Variants in RPAIN observed in about 807,000 individuals in gnomAD.
RPAIN encodes RPA-interacting protein.
A neutral mutation model predicts 30.5 loss-of-function variants in RPAIN; 29 were observed. The ratio of observed to expected loss-of-function variants is 0.95; its 90% CI spans 0.71 to 1.30. RPAIN has a LOEUF of 1.30. Ranked by LOEUF, RPAIN falls within the 50% of genes most tolerant of loss-of-function variation. RPAIN has a pLI of 0.00. For synonymous variants in RPAIN, 101 were observed against 93.5 expected (o/e 1.08, Z -0.46); for missense variants, 247 against 264.7 (o/e 0.93, Z 0.46).
intron 6 of RPAIN, chr17:5,432,087 GATC>G (rs1398997266): frequency 4.6e-6 from 1 of 217,898 alleles, no homozygotes; most frequent in African/African-American, 2.3e-5. Context: ...GGTGCTTACT[GATC>G]ATGTCTTTAC....
At chr17:5,429,340 C>T (rs1226957887) in intron 6 of RPAIN, 2 of 985,338 alleles carry the variant, frequency 2.0e-6, no homozygotes, top group African/African-American at 1.7e-5. Flanking sequence ...CATAGAAGAA[C>T]AAGGCAGAGA....
At chr17:5,429,931 G>C (rs1915741890) in intron 6 of RPAIN, 2 of 241,150 alleles carry the variant, frequency 8.3e-6, no homozygotes, top group Non-Finnish European at 1.3e-5. Flanking sequence ...ACTTTGGGAG[G>C]CCGAGGTGGG....
chr17:5,422,932 C>T, intron 3 of RPAIN, 103 bp downstream of exon 3: 1 of 908,936 alleles, frequency 1.1e-6, no homozygotes, highest in Non-Finnish European at 1.7e-6. Context: ...TGTCTACCTC[C>T]ATCAGTCAAG....
chr17:5,431,526 T>C (rs958910667), intron 6 of RPAIN: 13 of 439,230 alleles, frequency 3.0e-5, no homozygotes, highest in Admixed American at 5.0e-5. Context: ...CAAAATTGTA[T>C]TCTGTAGGTC....
intron 3 of RPAIN, among the ~76,000 whole-genome samples, chr17:5,424,697 G>A (rs187900670): frequency 1.3e-5 from 2 of 152,282 alleles, no homozygotes; most frequent in East Asian, 3.9e-4. Context: ...TTGAAATAAG[G>A]ATAATAATAG....
At chr17:5,423,945 T>TA (rs35589532) in intron 3 of RPAIN, among the ~76,000 whole-genome samples, 1 of 151,224 alleles carries the variant, frequency 6.6e-6, no homozygotes, top group Non-Finnish European at 1.5e-5. Flanking sequence ...TTTTTTTTTT[T>TA]AGCTAAAGAT....
chr17:5,428,879 G>A, intron 6 of RPAIN: 1 of 986,074 alleles, frequency 1.0e-6, no homozygotes, highest in African/African-American at 1.7e-5. Context: ...GGAGCACACT[G>A]TACTTCAGGA....
At chr17:5,425,015 G>T (rs1263764093) in intron 3 of RPAIN, 1 of 236,754 alleles carries the variant, frequency 4.2e-6, no homozygotes, top group Non-Finnish European at 8.3e-6. Flanking sequence ...CAGACTTTTT[G>T]TGAAGAGCCA....
rs1333198473 is a variant in RPAIN at position 5,432,744 on chromosome 17, T to C, written c.*173T>C. 7.7e-6 allele frequency: 6 copies of C among 779,228 alleles called. No individual in the cohort carries two copies. Among genetic ancestry groups the C allele is most frequent in the African/African-American group, 7.0e-5 (4 of 57,056 alleles). 48.3% of individuals were successfully genotyped at this position (779,228 alleles called of 1,614,324 possible). A position where few individuals can be genotyped will look rare whatever the true frequency, so the allele number is the denominator to read the frequency against. On this transcript the variant is annotated 3_prime_UTR_variant, in exon 7 of 7. Transcript: ENST00000381209. ...GTTCTTGGTCTTTTGTGACGCAGGTTGAAGGGGGAGGAATAGAAAAAGACA... is the reference window on the plus strand; with the variant it reads ...GTTCTTGGTCTTTTGTGACGCAGGTCGAAGGGGGAGGAATAGAAAAAGACA...
At chr17:5,425,755 C>T (rs927768983) in intron 3 of RPAIN, among the ~76,000 whole-genome samples, 1 of 152,204 alleles carries the variant, frequency 6.6e-6, no homozygotes, top group Non-Finnish European at 1.5e-5. Flanking sequence ...CCTTAGCCTA[C>T]TTCACCTCTT....
intron 2 of RPAIN, 132 bp downstream of exon 2, chr17:5,421,598 T>A: frequency 1.4e-6 from 1 of 723,778 alleles, no homozygotes; most frequent in Non-Finnish European, 2.2e-6. Flanking sequence ...CAACAGCCTT[T>A]AACCCAGGCT....
Position 5,426,307 on chromosome 17 carries a change from T to A in RPAIN, c.489+8T>A, listed in dbSNP as rs377723603. 49 of 1,606,810 alleles carry A rather than the reference T, an allele frequency of 3.0e-5. No homozygotes were observed. The African/African-American group carries it at 5.7e-4, about 19-fold the overall frequency. Reference sequence around the variant, plus strand: ...CTGTCCATCCCATCTCATGTGAGTGTTCCACACACAGATTTCATGATACTT... The same window carrying A: ...CTGTCCATCCCATCTCATGTGAGTGATCCACACACAGATTTCATGATACTT... On this transcript the variant is annotated splice_region_variant and intron_variant, in intron 5 of 6. Transcript: ENST00000381209.
chr17:5,420,725 T>C (rs1914689055), intron 1 of RPAIN, among the ~76,000 whole-genome samples: 1 of 152,206 alleles, frequency 6.6e-6, no homozygotes, highest in South Asian at 2.1e-4. Flanking sequence ...TCCAAGAAAG[T>C]AACCCGACGC....
At chr17:5,420,698 G>A (rs755606278) in intron 1 of RPAIN, among the ~76,000 whole-genome samples, 3 of 152,096 alleles carry the variant, frequency 2.0e-5, no homozygotes, top group Admixed American at 6.5e-5. Context: ...ACACAGTGTG[G>A]TTATTAGTAA....
At chr17:5,420,607 G>A (rs1300860160) in intron 1 of RPAIN, among the ~76,000 whole-genome samples, 1 of 151,814 alleles carries the variant, frequency 6.6e-6, no homozygotes, top group African/African-American at 2.4e-5. Flanking sequence ...TTCGTCTTGT[G>A]AGATAGAGAT....
rs746258316 is a variant in RPAIN, at chr17:5,421,361, C to T, written c.147C>T (p.Ser49=). ...TAAACAGGTACCGCCAGGCTGGAAGCAGTGGGCCAGGGAATTCTCAGAACA... is the reference window on the plus strand; with the variant it reads ...TAAACAGGTACCGCCAGGCTGGAAGTAGTGGGCCAGGGAATTCTCAGAACA... ...RLLNRYRQAG[S]SGPGNSQNSF... Residue 49 remains serine (S), a synonymous_variant, in exon 2 of 7, where the codon AGC becomes AGT. Transcript: ENST00000381209. 8 of 1,613,768 alleles carry T rather than the reference C, an allele frequency of 5.0e-6. No individual in the cohort carries two copies. Among genetic ancestry groups the T allele is most frequent in the Non-Finnish European group, 1.7e-6 (2 of 1,179,924 alleles).
At chr17:5,423,552 A>G (rs1431548381) in intron 3 of RPAIN, among the ~76,000 whole-genome samples, 2 of 152,206 alleles carry the variant, frequency 1.3e-5, no homozygotes, top group East Asian at 1.9e-4. Context: ...TAAACCTGCC[A>G]TTTTACAGGA....
intron 3 of RPAIN, among the ~76,000 whole-genome samples, chr17:5,424,100 A>C (rs567497235): frequency 6.6e-6 from 1 of 150,984 alleles, no homozygotes; most frequent in South Asian, 2.1e-4. Flanking sequence ...CAATCCTCTC[A>C]TCTCAGCCTC....
rs1343693284 is a variant in RPAIN at position 5,428,368 on chromosome 17, T to C, written c.630+157T>C. ...ATAGAAAAGTGAAGGTAACAAGTCA[T>C]TTAGACTCAAAGGCCAGTCAGAAAG... is the stretch of plus-strand genomic sequence containing the variant. On this transcript the variant is annotated intron_variant, in intron 6 of 6. Transcript: ENST00000381209. The C allele has an allele frequency of 3.3e-6, 5 of 1,514,538 alleles. No homozygotes were observed. In the East Asian group the frequency reaches 1.2e-4, roughly 37 times the overall value. 93.8% of individuals were successfully genotyped at this position (1,514,538 alleles called of 1,614,324 possible). A position where few individuals can be genotyped will look rare whatever the true frequency, so the allele number is the denominator to read the frequency against.
Sources: allele counts gnomAD v4.1 joint callset (sites outside exome capture counted in the v4.1 genomes callset), GRCh38; gene constraint gnomAD v4.1.1; transcripts MANE v1.5; gene names NCBI Gene and HGNC (gene_info 2026-07-23, HGNC 2026-07-21).